PCDHA10: variants seen among roughly 807,000 people sequenced by gnomAD.
The protein encoded by PCDHA10 is protocadherin alpha-10.
A neutral mutation model predicts 61.2 loss-of-function variants in PCDHA10; 45 were observed. The ratio of observed to expected loss-of-function variants is 0.74; its 90% CI spans 0.58 to 0.94. The LOEUF is 0.94. Among genes scored for constraint, PCDHA10 ranks in the 40% least tolerant of loss-of-function variants. The pLI, the probability that PCDHA10 is intolerant of heterozygous loss-of-function variation, is 0.00. For synonymous variants in PCDHA10, 602 were observed against 548.8 expected (o/e 1.10, Z -1.35); for missense variants, 1,278 against 1,236.2 (o/e 1.03, Z -0.51).
At chr5:141,000,210 A>G (rs1475631796) in intron 3 of PCDHA10, among the ~76,000 whole-genome samples, 3 of 151,622 alleles carry the variant, frequency 2.0e-5, no homozygotes, top group Non-Finnish European at 2.9e-5. Context: ...CACCTTCATT[A>G]TCAAATGCCT....
chr5:140,990,822 C>G (rs1273714328), intron 3 of PCDHA10, among the ~76,000 whole-genome samples: 1 of 152,204 alleles, frequency 6.6e-6, no homozygotes. Flanking sequence ...CTTCTCTCAG[C>G]TAAAGCCTAT....
chr5:140,966,490 T>C lies in PCDHA10; in HGVS notation c.2389-12459T>C, dbSNP rs533525977. 6.2e-5 allele frequency: 27 copies of C among 438,082 alleles called. No individual in the cohort carries two copies. In the Admixed American group the frequency reaches 1.1e-3, roughly 18 times the overall value. The allele number at this position is 438,082 out of a possible 1,614,324, so 27.1% of individuals were successfully genotyped here. On this transcript the variant is annotated intron_variant, in intron 1 of 3. Coordinates refer to ENST00000307360, the MANE Select transcript of PCDHA10 (RefSeq NM_018901.4). ...CCTTCTGTTTCCTTTTCCCTCCCCC[T>C]GGAGCTGTAGCGGCAGCAGCAGCAG... is the stretch of plus-strand genomic sequence containing the variant.
chr5:140,866,006 A>AT (rs879985909), intron 1 of PCDHA10: 11 of 151,858 alleles, frequency 7.2e-5, no homozygotes, highest in East Asian at 1.9e-4. Context: ...ATGTTAAGTG[A>AT]TTTTTTTCTT....
chr5:140,885,925 T>A lies in PCDHA10; in HGVS notation c.2388+27489T>A, dbSNP rs1431219397. The stretch of plus-strand genomic sequence containing the variant: ...CTGTACCTTATAGATATTAACTGTT[T>A]ATCTATTTTTTGACATTTTTAATTA... On this transcript the variant is annotated intron_variant, in intron 1 of 3. Coordinates refer to ENST00000307360, the MANE Select transcript of PCDHA10 (RefSeq NM_018901.4). 2.0e-5 allele frequency among the ~76,000 whole-genome samples: 3 copies of A among 151,896 alleles called. No homozygotes were observed. In the East Asian group the frequency reaches 5.8e-4, roughly 29 times the overall value.
chr5:140,995,794 CAT>C (rs1407600046), intron 3 of PCDHA10, among the ~76,000 whole-genome samples: 65 of 152,208 alleles, frequency 4.3e-4, no homozygotes, highest in African/African-American at 1.5e-3. Flanking sequence ...AAATTTGTCT[CAT>C]GTTAGTTTCT....
intron 1 of PCDHA10, among the ~76,000 whole-genome samples, chr5:140,909,076 G>A (rs556959550): frequency 3.3e-5 from 5 of 152,294 alleles, no homozygotes; most frequent in African/African-American, 7.2e-5. Context: ...TAAGCCCAGT[G>A]TGTTTGCTAC....
At chr5:140,906,265 TATAG>T (rs1455952624) in intron 1 of PCDHA10, among the ~76,000 whole-genome samples, 7 of 152,148 alleles carry the variant, frequency 4.6e-5, no homozygotes, top group African/African-American at 1.2e-4. Context: ...CTCCTGAAAT[TATAG>T]ATAATCTTCA....
chr5:140,926,944 G>A, intron 1 of PCDHA10: 1 of 1,588,324 alleles, frequency 6.3e-7, no homozygotes, highest in Non-Finnish European at 8.6e-7. Flanking sequence ...CTGCGGCGCT[G>A]CAGCGGGACA....
chr5:140,967,870 G>A (rs782622860), intron 1 of PCDHA10: 31 of 1,614,152 alleles, frequency 1.9e-5, no homozygotes, highest in Non-Finnish European at 2.5e-5. Flanking sequence ...TGGTGCTCAC[G>A]GACCTGTATA....
intron 1 of PCDHA10, chr5:140,865,372 A>G (rs2048845131): frequency 6.6e-6 from 1 of 152,208 alleles, no homozygotes; most frequent in Non-Finnish European, 1.5e-5. Flanking sequence ...TAACCATGTT[A>G]TAGGTAGGGT....
chr5:141,005,584 C>T (rs1307831783), intron 3 of PCDHA10, among the ~76,000 whole-genome samples: 2 of 151,062 alleles, frequency 1.3e-5, no homozygotes, highest in Non-Finnish European at 2.9e-5. Context: ...TGCCTGTAGT[C>T]CCAGCTACAC....
chr5:140,996,705 CTT>C (rs1222604793), intron 3 of PCDHA10, among the ~76,000 whole-genome samples: 3 of 152,108 alleles, frequency 2.0e-5, no homozygotes, highest in African/African-American at 7.2e-5. Flanking sequence ...ACCTCTATCT[CTT>C]TGATTTAATT....
intron 1 of PCDHA10, among the ~76,000 whole-genome samples, chr5:140,957,226 C>T (rs1421287024): frequency 1.3e-5 from 2 of 152,080 alleles, no homozygotes; most frequent in African/African-American, 4.8e-5. Context: ...TTTGGCGAAG[C>T]ATTTTGGCAT....
At chr5:140,940,809 C>G (rs1308338406) in intron 1 of PCDHA10, among the ~76,000 whole-genome samples, 1 of 152,118 alleles carries the variant, frequency 6.6e-6, no homozygotes, top group Admixed American at 6.5e-5. Flanking sequence ...GCCAGGATAT[C>G]CTGAGATCTT....
Position 141,000,421 on chromosome 5 carries a change from A to ATTTTTTT in PCDHA10, c.2537-9189_2537-9183dup, listed in dbSNP as rs34755515. Among the ~76,000 whole-genome samples the ATTTTTTT allele has an allele frequency of 5.7e-4, 16 of 27,980 alleles. 1 individual carries two copies. Among genetic ancestry groups the ATTTTTTT allele is most frequent in the African/African-American group, 8.9e-4 (5 of 5,638 alleles). 18.4% of individuals were successfully genotyped at this position (27,980 alleles called of 152,430 possible). ...TATATATATATATATATATATATAT[A>ATTTTTTT]TTTTTTTTTTTTTTTTTTTTTTTGA... On this transcript the variant is annotated intron_variant, in intron 3 of 3. Coordinates refer to ENST00000307360, the MANE Select transcript of PCDHA10 (RefSeq NM_018901.4).
intron 1 of PCDHA10, chr5:140,929,118 A>G: frequency 2.5e-6 from 4 of 1,614,150 alleles, no homozygotes; most frequent in Non-Finnish European, 3.4e-6. Flanking sequence ...CAGCCACCAT[A>G]GATGTCACTA....
chr5:140,870,852 G>C (rs782301779), intron 1 of PCDHA10: 3 of 1,613,862 alleles, frequency 1.9e-6, no homozygotes, highest in Non-Finnish European at 2.5e-6. Flanking sequence ...TACCGCGGTC[G>C]GTGGGTGCGG....
chr5:140,909,767 G>A (rs114075983), intron 1 of PCDHA10, among the ~76,000 whole-genome samples: 11,557 of 152,088 alleles, frequency 0.076, 504 homozygotes, highest in Middle Eastern at 0.14. Context: ...TGAGTCCAGG[G>A]ACCCACTGGA....
Position 140,883,713 on chromosome 5 carries a change from C to G in PCDHA10, c.2388+25277C>G, listed in dbSNP as rs782438050. ...ATCTTCACGGTGTCTGCTCAGGACG[C>G]GGACGCACAGGAGAACGCGCTGGTC... On this transcript the variant is annotated intron_variant, in intron 1 of 3. Coordinates refer to ENST00000307360, the MANE Select transcript of PCDHA10 (RefSeq NM_018901.4). 2.5e-6 allele frequency: 4 copies of G among 1,613,520 alleles called. No homozygotes were observed. The East Asian group carries it at 8.9e-5, about 36-fold the overall frequency.
Sources: allele counts gnomAD v4.1 joint callset (sites outside exome capture counted in the v4.1 genomes callset), GRCh38; gene constraint gnomAD v4.1.1; transcripts MANE v1.5; gene names NCBI Gene and HGNC (gene_info 2026-07-23, HGNC 2026-07-21).